PTPN20: variants seen among roughly 807,000 people sequenced by gnomAD.
The protein encoded by PTPN20 is protein tyrosine phosphatase non-receptor type 20, also known as tyrosine-protein phosphatase non-receptor type 20.
Under a neutral mutation model 35.0 loss-of-function variants are expected in PTPN20, and 9 were observed. The observed-to-expected ratio is 0.26, with a 90% CI of 0.15 to 0.45. The LOEUF (loss-of-function observed/expected upper bound fraction) is 0.45, where lower values mean the gene tolerates loss of function less well. PTPN20 is among the 20% of genes least tolerant of loss of function. The pLI is 1.00. For synonymous variants in PTPN20, 32 were observed against 100.2 expected (o/e 0.32, Z 4.06); for missense variants, 111 against 312.5 (o/e 0.36, Z 4.86).
chr10:46,992,404 T>C (rs919697658), intron 9 of PTPN20, among the ~76,000 whole-genome samples: 1 of 152,174 alleles, frequency 6.6e-6, no homozygotes, highest in South Asian at 2.1e-4. Context: ...ATCATAGGCA[T>C]GAGCCACCAC....
At chr10:46,995,333 C>CTTTTTTTTTTT (rs878968027) in intron 9 of PTPN20, among the ~76,000 whole-genome samples, 2 of 85,658 alleles carry the variant, frequency 2.3e-5, no homozygotes, top group Non-Finnish European at 4.3e-5. Context: ...TTTTTTTTTT[C>CTTTTTTTTTTT]TTTTTTTTTT....
At chr10:46,994,322 CT>C (rs36049729) in intron 9 of PTPN20, among the ~76,000 whole-genome samples, 74 of 66,276 alleles carry the variant, frequency 1.1e-3, no homozygotes, top group Admixed American at 3.8e-3. Flanking sequence ...CTCTGATGCT[CT>C]TTTTTTTTTT....
At chr10:46,941,918 A>G (rs1339123905) in intron 3 of PTPN20, among the ~76,000 whole-genome samples, 1 of 85,988 alleles carries the variant, frequency 1.2e-5, no homozygotes, top group Admixed American at 1.3e-4. Context: ...CCTTTCAGAT[A>G]TGATGCTGTC....
intron 5 of PTPN20, among the ~76,000 whole-genome samples, chr10:46,959,128 G>A (rs1486088843): frequency 1.4e-5 from 2 of 138,416 alleles, no homozygotes; most frequent in East Asian, 4.2e-4. Flanking sequence ...AATTATTATT[G>A]TAAAACTGTT....
At chr10:46,972,211 TTATAATC>T (rs2052391834) in intron 7 of PTPN20, among the ~76,000 whole-genome samples, 1 of 147,934 alleles carries the variant, frequency 6.8e-6, no homozygotes. Context: ...AAACTTATAT[TTATAATC>T]TATAATTACT....
rs1172240930 is a variant in PTPN20, at chr10:47,001,188, G to A, written c.*447G>A. 1 of 195,536 alleles carries A rather than the reference G, an allele frequency of 5.1e-6. No homozygotes were observed. Among genetic ancestry groups the A allele is most frequent in the East Asian group, 1.4e-4 (1 of 7,272 alleles). 12.1% of individuals were successfully genotyped at this position (195,536 alleles called of 1,614,324 possible). Reference sequence around the variant, plus strand: ...TCTTCCAGGCATTTTTAAGACAGATGTCTATTCATGTTCTTTAGCTAGAGC... The same window carrying A: ...TCTTCCAGGCATTTTTAAGACAGATATCTATTCATGTTCTTTAGCTAGAGC... On this transcript the variant is annotated 3_prime_UTR_variant, in exon 11 of 11. Coordinates refer to ENST00000374339, the MANE Select transcript of PTPN20 (RefSeq NM_001042357.5).
At chr10:46,947,210 G>GTGTA (rs1284114728) in intron 5 of PTPN20, among the ~76,000 whole-genome samples, 46 of 117,932 alleles carry the variant, frequency 3.9e-4, no homozygotes, top group African/African-American at 1.3e-3. Context: ...ATATGTGTAT[G>GTGTA]TGTATATATA....
At chr10:46,923,374 GTT>G (rs1318963775) in intron 1 of PTPN20, among the ~76,000 whole-genome samples, 1 of 146,384 alleles carries the variant, frequency 6.8e-6, no homozygotes, top group African/African-American at 2.7e-5. Flanking sequence ...AAGTTTGAGA[GTT>G]TTTGTGTTTT....
chr10:46,955,355 TCATC>T (rs1409002171), intron 5 of PTPN20, among the ~76,000 whole-genome samples: 9 of 148,840 alleles, frequency 6.0e-5, no homozygotes, highest in African/African-American at 2.2e-4. Context: ...TATAAAATCA[TCATC>T]CATGAGTTCA....
chr10:46,997,853 G>A (rs1238613046), intron 9 of PTPN20, among the ~76,000 whole-genome samples: 1 of 152,132 alleles, frequency 6.6e-6, no homozygotes, highest in East Asian at 1.9e-4. Flanking sequence ...AAACCAGGAT[G>A]GAGTAGCATT....
Position 46,945,095 on chromosome 10 carries a change from G to T in PTPN20, c.227+1080G>T, listed in dbSNP as rs544972729. Among the ~76,000 whole-genome samples, 752 of 138,612 alleles carry T rather than the reference G, an allele frequency of 5.4e-3. 36 individuals are homozygous for T. Among genetic ancestry groups the T allele is most frequent in the Non-Finnish European group, 8.6e-3 (575 of 66,722 alleles). The allele number at this position is 138,612 out of a possible 152,430, so 90.9% of individuals were successfully genotyped here. On this transcript the variant is annotated intron_variant, in intron 4 of 10. Transcript: ENST00000374339. Reference sequence around the variant, plus strand: ...TTAGGGGTAATGGGGAGAAATATTAGCTGCCAAGAGTTGTAGGGTGTATGT... The same window carrying T: ...TTAGGGGTAATGGGGAGAAATATTATCTGCCAAGAGTTGTAGGGTGTATGT...
At chr10:46,979,433 A>AC (rs1458281333) in intron 7 of PTPN20, among the ~76,000 whole-genome samples, 12 of 101,346 alleles carry the variant, frequency 1.2e-4, no homozygotes, top group Admixed American at 1.9e-4. Context: ...TGCTTCTCTG[A>AC]CCTGTGGAGT....
intron 1 of PTPN20, among the ~76,000 whole-genome samples, chr10:46,925,393 T>C (rs2132599965): frequency 6.8e-6 from 1 of 146,862 alleles, no homozygotes; most frequent in East Asian, 2.0e-4. Flanking sequence ...CACAGGGAAG[T>C]ATTTTCCACC....
intron 9 of PTPN20, among the ~76,000 whole-genome samples, chr10:46,998,334 G>A (rs1423371207): frequency 6.6e-6 from 1 of 152,108 alleles, no homozygotes; most frequent in Non-Finnish European, 1.5e-5. Context: ...CAACTTGGAT[G>A]GATCTCCAAG....
chr10:47,000,883 G>A lies in PTPN20; in HGVS notation c.*142G>A, dbSNP rs2059963976. The A allele has an allele frequency of 9.8e-7, 1 of 1,021,430 alleles. No homozygotes were observed. Among genetic ancestry groups the A allele is most frequent in the African/African-American group, 1.6e-5 (1 of 63,038 alleles). 63.3% of individuals were successfully genotyped at this position (1,021,430 alleles called of 1,614,324 possible). A position where few individuals can be genotyped will look rare whatever the true frequency, so the allele number is the denominator to read the frequency against. On this transcript the variant is annotated 3_prime_UTR_variant, in exon 11 of 11. Coordinates refer to ENST00000374339, the MANE Select transcript of PTPN20 (RefSeq NM_001042357.5). Reference sequence around the variant, plus strand: ...TTATCAGTTTATTTTCTTTCTAAAAGCTCCCTGAAGGGCAATATCATTTGG... The same window carrying A: ...TTATCAGTTTATTTTCTTTCTAAAAACTCCCTGAAGGGCAATATCATTTGG...
chr10:46,992,254 C>A (rs2058119623), intron 9 of PTPN20, among the ~76,000 whole-genome samples: 1 of 151,386 alleles, frequency 6.6e-6, no homozygotes, highest in African/African-American at 2.4e-5. Flanking sequence ...TCCTGAGTAA[C>A]TGGGACTACA....
chr10:46,949,161 C>T (rs1293012733), intron 5 of PTPN20, among the ~76,000 whole-genome samples: 1 of 152,120 alleles, frequency 6.6e-6, no homozygotes, highest in African/African-American at 2.4e-5. Context: ...TCGACCATGA[C>T]AGTGGCTCCC....
At position 46,937,382 on chromosome 10, in the gene PTPN20, T is replaced by G. The variant is rs1221813251; in HGVS notation, c.35-3241T>G. The stretch of plus-strand genomic sequence containing the variant: ...TAAGCTCATATATTACATTTGTATT[T>G]TATTGACCTTCTTTGGTCTGTTGGT... On this transcript the variant is annotated intron_variant, in intron 2 of 10. Coordinates refer to ENST00000374339, the MANE Select transcript of PTPN20 (RefSeq NM_001042357.5). Among the ~76,000 whole-genome samples the G allele has an allele frequency of 2.6e-3, 390 of 152,212 alleles. 1 individual carries two copies. The highest frequency in any genetic ancestry group is 9.1e-3 in the African/African-American group (379 of 41,486).
intron 1 of PTPN20, among the ~76,000 whole-genome samples, chr10:46,918,753 A>G (rs1256425909): frequency 7.4e-6 from 1 of 134,916 alleles, no homozygotes; most frequent in African/African-American, 3.3e-5. Context: ...TTTCAGTTTA[A>G]TGTTTTATGG....
Sources: allele counts gnomAD v4.1 joint callset (sites outside exome capture counted in the v4.1 genomes callset), GRCh38; gene constraint gnomAD v4.1.1; transcripts MANE v1.5; gene names NCBI Gene and HGNC (gene_info 2026-07-23, HGNC 2026-07-21).